Variants in CACNA2D3 observed in about 807,000 individuals in gnomAD.
The protein encoded by CACNA2D3 is calcium voltage-gated channel auxiliary subunit alpha2delta 3, also known as voltage-dependent calcium channel subunit alpha-2/delta-3.
Under a neutral mutation model 160.6 loss-of-function variants are expected in CACNA2D3, and 60 were observed. That is an observed-to-expected ratio of 0.37 (90% CI 0.30 to 0.46). The LOEUF (loss-of-function observed/expected upper bound fraction) is 0.46, where lower values mean the gene tolerates loss of function less well. Ranked by LOEUF, CACNA2D3 falls within the 20% of genes least tolerant of loss-of-function variation. CACNA2D3 has a pLI of 1.00. For synonymous variants in CACNA2D3, 558 were observed against 492.9 expected (o/e 1.13, Z -1.75); for missense variants, 1,205 against 1,365.0 (o/e 0.88, Z 1.85).
chr3:54,969,805 T>C lies in CACNA2D3; in HGVS notation c.2517T>C (p.Ala839=). The change falls in exon 29 of 38, where the codon GCT becomes GCC. Residue 839 remains alanine, a synonymous_variant. Coordinates refer to ENST00000474759, the MANE Select transcript of CACNA2D3 (RefSeq NM_018398.3). ...TCCACTTTTTGCCTTCACAGTGTGC[T>C]TCCCTGGATGGCAAATGCTCCATCA... ...RKFWTASRQC[A]SLDGKCSISC... is the part of the protein sequence containing the mutation. 1 of 1,612,840 alleles carries C rather than the reference T, an allele frequency of 6.2e-7. No individual in the cohort carries two copies.
At chr3:54,675,790 C>T (rs540159404) in intron 11 of CACNA2D3, among the ~76,000 whole-genome samples, 27 of 152,204 alleles carry the variant, frequency 1.8e-4, no homozygotes, top group African/African-American at 5.1e-4. Flanking sequence ...TGAAGAGTGA[C>T]GAAAGTAAAG....
intron 8 of CACNA2D3, among the ~76,000 whole-genome samples, chr3:54,575,919 T>G (rs1313176040): frequency 6.6e-6 from 1 of 151,986 alleles, no homozygotes; most frequent in East Asian, 1.9e-4. Flanking sequence ...CTGGATCACA[T>G]AGGGGGGTGG....
intron 11 of CACNA2D3, among the ~76,000 whole-genome samples, chr3:54,739,367 C>T (rs1366908651): frequency 2.0e-5 from 3 of 148,188 alleles, no homozygotes; most frequent in Admixed American, 1.4e-4. Context: ...TTGCAGTGAG[C>T]CAGGATCCCA....
chr3:54,792,065 T>G (rs954186995), intron 13 of CACNA2D3, among the ~76,000 whole-genome samples: 2 of 152,196 alleles, frequency 1.3e-5, no homozygotes, highest in African/African-American at 4.8e-5. Context: ...CAGGATATTA[T>G]TATCTTTTGT....
chr3:54,469,395 G>A (rs1010257262), intron 4 of CACNA2D3, among the ~76,000 whole-genome samples: 1 of 152,100 alleles, frequency 6.6e-6, no homozygotes, highest in African/African-American at 2.4e-5. Context: ...CAAAAAGGAT[G>A]TTCACACAAA....
At chr3:54,700,207 C>T (rs1700743105) in intron 11 of CACNA2D3, among the ~76,000 whole-genome samples, 1 of 152,236 alleles carries the variant, frequency 6.6e-6, no homozygotes, top group African/African-American at 2.4e-5. Flanking sequence ...ACCTTCACGA[C>T]TCATGGAACA....
At chr3:54,736,057 GTA>G (rs1212687939) in intron 11 of CACNA2D3, among the ~76,000 whole-genome samples, 1 of 42,842 alleles carries the variant, frequency 2.3e-5, no homozygotes, top group African/African-American at 9.8e-5. Flanking sequence ...ACATACATAT[GTA>G]TGTATATATA....
intron 13 of CACNA2D3, among the ~76,000 whole-genome samples, chr3:54,772,385 A>T (rs1702336799): frequency 6.6e-6 from 1 of 152,082 alleles, no homozygotes; most frequent in Non-Finnish European, 1.5e-5. Context: ...TTATACATTG[A>T]TCCATAGTTT....
intron 9 of CACNA2D3, among the ~76,000 whole-genome samples, chr3:54,624,241 A>G (rs574107573): frequency 6.6e-6 from 1 of 152,366 alleles, no homozygotes; most frequent in South Asian, 2.1e-4. Context: ...TAAATGTCCA[A>G]CTGTAAAAAA....
chr3:54,452,760 A>G (rs1700330163), intron 4 of CACNA2D3, among the ~76,000 whole-genome samples: 1 of 152,138 alleles, frequency 6.6e-6, no homozygotes, highest in African/African-American at 2.4e-5. Context: ...TTGATGTCTG[A>G]AATTGAGATG....
At chr3:54,423,162 T>A (rs1303880818) in intron 4 of CACNA2D3, among the ~76,000 whole-genome samples, 1 of 152,126 alleles carries the variant, frequency 6.6e-6, no homozygotes, top group Non-Finnish European at 1.5e-5. Context: ...GAGGAAAAAG[T>A]CTGTTGATGA....
At chr3:54,645,923 C>G (rs1039087163) in intron 11 of CACNA2D3, among the ~76,000 whole-genome samples, 5 of 151,892 alleles carry the variant, frequency 3.3e-5, no homozygotes, top group Admixed American at 2.6e-4. Flanking sequence ...TGTAGAGGGC[C>G]TAGGGTACCT....
At chr3:54,377,388 TG>T (rs1243423446) in intron 3 of CACNA2D3, among the ~76,000 whole-genome samples, 2 of 152,232 alleles carry the variant, frequency 1.3e-5, no homozygotes, top group South Asian at 4.1e-4. Context: ...ACTGTGAACT[TG>T]GGGAGTTGTT....
chr3:54,865,412 G>GC (rs1258264827), intron 17 of CACNA2D3, among the ~76,000 whole-genome samples: 3 of 152,156 alleles, frequency 2.0e-5, no homozygotes, highest in African/African-American at 4.8e-5. Context: ...GTGACTTCAT[G>GC]CCCCCCACCT....
At chr3:54,564,871 T>G (rs1377929623) in intron 6 of CACNA2D3, among the ~76,000 whole-genome samples, 1 of 152,198 alleles carries the variant, frequency 6.6e-6, no homozygotes, top group Non-Finnish European at 1.5e-5. Flanking sequence ...TCATGTAATT[T>G]GAAATCTAGG....
At chr3:54,872,578 CAG>C (rs889894210) in intron 18 of CACNA2D3, among the ~76,000 whole-genome samples, 9 of 152,204 alleles carry the variant, frequency 5.9e-5, no homozygotes, top group Admixed American at 5.2e-4. Flanking sequence ...CCTTCCAGAA[CAG>C]GGGGCCAGCA....
intron 2 of CACNA2D3, among the ~76,000 whole-genome samples, chr3:54,293,467 C>A (rs1703256542): frequency 1.3e-5 from 2 of 152,016 alleles, no homozygotes. Context: ...GTTTTCTATT[C>A]CTGAGTTACT....
intron 4 of CACNA2D3, 129 bp from the exon 5 acceptor site, chr3:54,503,363 T>G (rs1701322491): frequency 1.3e-6 from 1 of 750,798 alleles, no homozygotes; most frequent in Non-Finnish European, 2.2e-6. Flanking sequence ...ACATAAGACA[T>G]AAAAAGATTA....
At chr3:54,318,615 C>T (rs1044907214) in intron 2 of CACNA2D3, among the ~76,000 whole-genome samples, 1 of 152,036 alleles carries the variant, frequency 6.6e-6, no homozygotes, top group Non-Finnish European at 1.5e-5. Flanking sequence ...CTTCCCACTT[C>T]CCCTATGCCA....
Sources: gnomAD v4.1 joint callset for allele counts (sites outside exome capture counted in the v4.1 genomes callset) on GRCh38, gnomAD v4.1.1 for gene constraint, MANE v1.5 for transcripts, NCBI Gene and HGNC (gene_info 2026-07-23, HGNC 2026-07-21) for gene names.